Variants in NUCB1 observed in about 807,000 individuals in gnomAD.
The protein encoded by NUCB1 is nucleobindin-1.
In NUCB1, 47 loss-of-function variants were observed where a neutral mutation model predicts 61.2. The observed-to-expected ratio is 0.77, with a 90% CI of 0.61 to 0.98. The LOEUF is 0.98. Ranked by LOEUF, NUCB1 falls within the 50% of genes least tolerant of loss-of-function variation. The pLI is 0.00. For synonymous variants in NUCB1, 234 were observed against 243.1 expected (o/e 0.96, Z 0.35); for missense variants, 583 against 605.3 (o/e 0.96, Z 0.39).
intron 7 of NUCB1, among the ~76,000 whole-genome samples, chr19:48,915,149 T>C (rs1040319692): frequency 6.6e-6 from 1 of 151,594 alleles, no homozygotes; most frequent in South Asian, 2.1e-4. Context: ...TCAGGGGTGA[T>C]AAAATAGAAG....
rs772993506 is a variant in NUCB1 at position 48,921,293 on chromosome 19, G to T, written c.1142G>T (p.Arg381Leu). 2.5e-6 allele frequency: 4 copies of T among 1,595,352 alleles called. No homozygotes were observed. Among genetic ancestry groups the T allele is most frequent in the Non-Finnish European group, 3.4e-6 (4 of 1,171,670 alleles). The change falls in exon 11 of 13, where the codon CGC becomes CTC. Residue 381 changes from arginine (R) to leucine (L), a missense_variant. Transcript: ENST00000405315. Reference protein sequence around the residue: ...ETEALGRSQGRLEAQKRELQQ... With the variant: ...ETEALGRSQGLLEAQKRELQQ... ...GAGGCTCTAGGGCGGTCCCAGGGCC[G>T]CCTGGAGGCCCAGAAGAGAGAGCTG...
In NUCB1 at chr19:48,921,153, GACAGTGGAGATGCACCCTGCCT is replaced by G; in HGVS notation, c.1006_1027del (p.Val336ProfsTer5). 6 of 1,604,696 alleles carry G rather than the reference GACAGTGGAGATGCACCCTGCCT, an allele frequency of 3.7e-6. No individual in the cohort carries two copies. The highest frequency in any genetic ancestry group is 5.1e-6 in the Non-Finnish European group (6 of 1,174,064). On this transcript the variant is annotated frameshift_variant and splice_region_variant, in exon 11 of 13. Transcript: ENST00000405315. LOFTEE classifies it high-confidence loss of function. ...TGATGGCCCCTGTGCCTGCCCTGCAGACAGTGGAGATGCACCCTGCCTACACCGAGGAAGAGCTGAGGCGCTT... is the reference window on the plus strand; with the variant it reads ...TGATGGCCCCTGTGCCTGCCCTGCAGACACCGAGGAAGAGCTGAGGCGCTT...
chr19:48,921,795 C>T (rs750225641), intron 11 of NUCB1, 32 bp from the exon 12 acceptor site: 1 of 1,593,782 alleles, frequency 6.3e-7, no homozygotes, highest in Non-Finnish European at 8.6e-7. Flanking sequence ...GCATCACACC[C>T]TCTTGTCTGT....
In NUCB1 at chr19:48,922,516, G is replaced by T; in HGVS notation, c.*92G>T. Reference sequence around the variant, plus strand: ...GGCACAGTCAGCTTCCCTGGGGGCTGGTGTCATGTTGGGCTCCTGGGGCGG... The same window carrying T: ...GGCACAGTCAGCTTCCCTGGGGGCTTGTGTCATGTTGGGCTCCTGGGGCGG... On this transcript the variant is annotated 3_prime_UTR_variant, in exon 13 of 13. Coordinates refer to ENST00000405315, the MANE Select transcript of NUCB1 (RefSeq NM_006184.6). The T allele has an allele frequency of 9.8e-7, 1 of 1,025,136 alleles. No homozygotes were observed. The allele number at this position is 1,025,136 out of a possible 1,614,324, so 63.5% of individuals were successfully genotyped here. A position where few individuals can be genotyped will look rare whatever the true frequency, so the allele number is the denominator to read the frequency against.
Position 48,921,354 on chromosome 19 carries a change from C to T in NUCB1, c.1173+30C>T, listed in dbSNP as rs1257703685. On this transcript the variant is annotated intron_variant, in intron 11 of 12. Transcript: ENST00000405315. ...CAGCGGGGGAAGCTGCTTCCATCCA[C>T]TGAATCTCTGGCTGCCCGTGTCCGT... 3 of 1,557,676 alleles carry T rather than the reference C, an allele frequency of 1.9e-6. No individual in the cohort carries two copies. In the East Asian group the frequency reaches 7.3e-5, roughly 38 times the overall value.
chr19:48,910,283 G>A (rs963232435), intron 4 of NUCB1, among the ~76,000 whole-genome samples: 28 of 151,282 alleles, frequency 1.9e-4, no homozygotes, highest in South Asian at 2.1e-4. Flanking sequence ...TCACCATGTT[G>A]GCCAGGATGG....
At chr19:48,909,267 G>A (rs2037447211) in intron 4 of NUCB1, among the ~76,000 whole-genome samples, 2 of 146,916 alleles carry the variant, frequency 1.4e-5, no homozygotes, top group African/African-American at 5.1e-5. Flanking sequence ...TTTTTTCCAA[G>A]ACAGAGTTTT....
chr19:48,904,052 T>TG (rs2037386372), intron 2 of NUCB1, among the ~76,000 whole-genome samples: 2 of 151,448 alleles, frequency 1.3e-5, no homozygotes, highest in Admixed American at 1.3e-4. Context: ...GATGGGTGGG[T>TG]GGATGCATGG....
rs1237030248 is a variant in NUCB1, at chr19:48,904,527, C to CTT, written c.243+87_243+88dup. The CTT allele has an allele frequency of 2.3e-3, 1,314 of 582,980 alleles. 1 individual carries two copies. The highest frequency in any genetic ancestry group is 3.9e-3 in the African/African-American group (189 of 47,924). 36.1% of individuals were successfully genotyped at this position (582,980 alleles called of 1,614,324 possible). A position where few individuals can be genotyped will look rare whatever the true frequency, so the allele number is the denominator to read the frequency against. On this transcript the variant is annotated intron_variant, in intron 3 of 12. Transcript: ENST00000405315. Reference sequence around the variant, plus strand: ...GCAGAGTTCAGGGGAGGACTGGTTTCTTTTTTTTTTTTTTTGAGACGGAGT... The same window carrying CTT: ...GCAGAGTTCAGGGGAGGACTGGTTTCTTTTTTTTTTTTTTTTTGAGACGGAGT...
chr19:48,900,644 A>AATCCTGGG, intron 1 of NUCB1, 142 bp from the exon 2 acceptor site: 1 of 1,167,078 alleles, frequency 8.6e-7, no homozygotes, highest in Non-Finnish European at 1.2e-6. Flanking sequence ...GGAGGCCTGG[A>AATCCTGGG]ATCCTGGGGC....
chr19:48,912,424 A>G (rs537531728), intron 5 of NUCB1, among the ~76,000 whole-genome samples: 1 of 152,154 alleles, frequency 6.6e-6, no homozygotes, highest in South Asian at 2.1e-4. Context: ...CAAGATCTGG[A>G]GATTGTGGAG....
intron 4 of NUCB1, among the ~76,000 whole-genome samples, chr19:48,910,162 C>T (rs1282704817): frequency 1.7e-4 from 26 of 151,804 alleles, no homozygotes; most frequent in African/African-American, 6.3e-4. Context: ...CTGCAACCTC[C>T]GCCTCCCAGG....
At chr19:48,922,194 T>C (rs964089707) in intron 12 of NUCB1, 124 bp from the exon 13 acceptor site, 4 of 678,258 alleles carry the variant, frequency 5.9e-6, no homozygotes, top group African/African-American at 5.1e-5. Flanking sequence ...GACCCCTGGG[T>C]GTGAGGGAGG....
chr19:48,908,721 G>GGTATGT (rs2037439799), intron 4 of NUCB1, among the ~76,000 whole-genome samples: 1 of 109,328 alleles, frequency 9.1e-6, no homozygotes, highest in Admixed American at 9.9e-5. Context: ...TTGACCAAGG[G>GGTATGT]GTGTGTGTGT....
At position 48,900,322 on chromosome 19, in the gene NUCB1, C is replaced by T. The variant is rs1376651752; in HGVS notation, c.-62C>T. ...TCTAGGGGGGAAGTCACCAAGAACG[C>T]ACCGGAGGTCCTTGCCCGCCCTGGA... On this transcript the variant is annotated 5_prime_UTR_variant, in exon 1 of 13. Transcript: ENST00000405315. 6.2e-6 allele frequency: 1 copy of T among 162,478 alleles called. No individual in the cohort carries two copies. Among genetic ancestry groups the T allele is most frequent in the African/African-American group, 2.4e-5 (1 of 41,566 alleles). The allele number at this position is 162,478 out of a possible 1,614,324, so 10.1% of individuals were successfully genotyped here.
At chr19:48,900,617 C>A in intron 1 of NUCB1, 169 bp from the exon 2 acceptor site, 2 of 855,436 alleles carry the variant, frequency 2.3e-6, no homozygotes, top group Non-Finnish European at 3.6e-6. Context: ...ACTCCTGTGT[C>A]GGAGGAAGGG....
Position 48,913,187 on chromosome 19 carries a change from C to A in NUCB1, c.657C>A (p.Val219=). 1 of 1,611,866 alleles carries A rather than the reference C, an allele frequency of 6.2e-7. No homozygotes were observed. The highest frequency in any genetic ancestry group is 1.1e-5 in the South Asian group (1 of 90,882). ...QQRRHREHPK[V]NVPGSQAQLK... ...GCCGGCACCGCGAGCACCCTAAAGT[C>A]AACGTGCCTGTGAGGACCCCATTTG... Residue 219 remains valine (V), a synonymous_variant, in exon 6 of 13, where the codon GTC becomes GTA. Transcript: ENST00000405315.
In NUCB1 at chr19:48,921,239, C is replaced by T. The variant is rs2037606491; in HGVS notation, c.1088C>T (p.Ala363Val). The change falls in exon 11 of 13, where the codon GCC (alanine) becomes GTC (valine). Residue 363 changes from alanine (A) to valine (V), a missense_variant. Ala to Val is a moderately conservative substitution (Grantham distance 64, BLOSUM62 0). Coordinates refer to ENST00000405315, the MANE Select transcript of NUCB1 (RefSeq NM_006184.6). Reference sequence around the variant, plus strand: ...GCTGCCCGGGAGGCAGAGCTGAATGCCAAGGCCCAGCGCCTCAGCCAGGAG... The same window carrying T: ...GCTGCCCGGGAGGCAGAGCTGAATGTCAAGGCCCAGCGCCTCAGCCAGGAG... ...ELAAREAELN[A>V]KAQRLSQETE... 2 of 1,612,492 alleles carry T rather than the reference C, an allele frequency of 1.2e-6. No individual in the cohort carries two copies. The highest frequency in any genetic ancestry group is 2.2e-5 in the South Asian group (2 of 90,920).
rs372501674 is a variant in NUCB1, at chr19:48,919,152, C to T, written c.909+30C>T. On this transcript the variant is annotated intron_variant, in intron 9 of 12. Transcript: ENST00000405315. ...GGTGGGGGCCAGGCGGGGGAGAGGA[C>T]GGGCCCCCAGCTCTGTCACTCACCC... The T allele has an allele frequency of 2.7e-5, 43 of 1,613,498 alleles. No homozygotes were observed. In the Admixed American group the frequency reaches 2.8e-4, roughly 11 times the overall value.
Sources: gnomAD v4.1 joint callset for allele counts (sites outside exome capture counted in the v4.1 genomes callset) on GRCh38, gnomAD v4.1.1 for gene constraint, MANE v1.5 for transcripts, NCBI Gene and HGNC (gene_info 2026-07-23, HGNC 2026-07-21) for gene names.